The following FRAS1 variants were observed in gnomAD, a reference collection of about 807,000 sequenced individuals.
The protein encoded by FRAS1 is Fraser extracellular matrix complex subunit 1.
A neutral mutation model predicts 435.2 loss-of-function variants in FRAS1; 290 were observed. The observed-to-expected ratio is 0.67, with a 90% CI of 0.61 to 0.73. FRAS1 has a LOEUF of 0.73. Among genes scored for constraint, FRAS1 ranks in the 30% least tolerant of loss-of-function variants. FRAS1 has a pLI of 0.00. For missense variants in FRAS1, 4,860 were observed against 5,001.5 expected (o/e 0.97, Z 0.85); for synonymous variants, 1,800 against 1,851.0 (o/e 0.97, Z 0.71).
chr4:78,479,900 A>C (rs1719960332), intron 56 of FRAS1, among the ~76,000 whole-genome samples, 182 bp downstream of exon 56: 1 of 152,112 alleles, frequency 6.6e-6, no homozygotes, highest in African/African-American at 2.4e-5. Flanking sequence ...TATTATAGAG[A>C]GTTCCATCCA....
Position 78,278,663 on chromosome 4 carries a change from A to T in FRAS1, c.990A>T (p.Glu330Asp). The T allele has an allele frequency of 1.3e-6, 2 of 1,587,972 alleles. No homozygotes were observed. The highest frequency in any genetic ancestry group is 1.7e-6 in the Non-Finnish European group (2 of 1,156,396). ...CAKVECARDE[E>D]LIHLDGKCCP... is the part of the protein sequence containing the mutation. The stretch of plus-strand genomic sequence containing the variant: ...AACCCTTATTTCTACAGGATGAAGA[A>T]TTAATTCACTTAGATGGAAAGTGTT... Residue 330 changes from glutamate to aspartate, a missense_variant, in exon 10 of 74, where the codon GAA becomes GAT. By Grantham distance (45) the Glu-to-Asp change is conservative. Coordinates refer to ENST00000512123, the MANE Select transcript of FRAS1 (RefSeq NM_025074.7).
At chr4:78,143,283 A>T (rs1389818159) in intron 2 of FRAS1, among the ~76,000 whole-genome samples, 1 of 152,204 alleles carries the variant, frequency 6.6e-6, no homozygotes, top group East Asian at 1.9e-4. Context: ...CACTAAGAAG[A>T]TGTACTACTT....
At chr4:78,405,631 T>C (rs1733070059) in intron 30 of FRAS1, among the ~76,000 whole-genome samples, 1 of 152,226 alleles carries the variant, frequency 6.6e-6, no homozygotes, top group Non-Finnish European at 1.5e-5. Context: ...TCTAGGGTAA[T>C]CAAATATGCC....
At chr4:78,063,159 T>C (rs1248547593) in intron 1 of FRAS1, among the ~76,000 whole-genome samples, 1 of 152,212 alleles carries the variant, frequency 6.6e-6, no homozygotes, top group Non-Finnish European at 1.5e-5. Context: ...AATTTTGTTT[T>C]CCATATTATG....
intron 61 of FRAS1, among the ~76,000 whole-genome samples, chr4:78,506,755 C>CA (rs1280252297): frequency 1.3e-5 from 1 of 76,866 alleles, no homozygotes; most frequent in East Asian, 4.3e-4. Flanking sequence ...CCATGGGCTG[C>CA]ACCAATGTCC....
chr4:78,229,481 A>C (rs1366376737), intron 2 of FRAS1, among the ~76,000 whole-genome samples: 1 of 152,182 alleles, frequency 6.6e-6, no homozygotes, highest in Non-Finnish European at 1.5e-5. Flanking sequence ...TGTGGAAGTT[A>C]GATTAAGAAG....
At chr4:78,234,707 A>T (rs561460712) in intron 2 of FRAS1, among the ~76,000 whole-genome samples, 1 of 152,358 alleles carries the variant, frequency 6.6e-6, no homozygotes, top group South Asian at 2.1e-4. Context: ...CTGGGAATGT[A>T]ATCTCACCTC....
intron 28 of FRAS1, among the ~76,000 whole-genome samples, chr4:78,384,909 A>T (rs1320129715): frequency 1.2e-4 from 4 of 33,724 alleles, no homozygotes; most frequent in Admixed American, 3.4e-4. Flanking sequence ...CCCTGTCTCA[A>T]AAAAAAAAAA....
intron 6 of FRAS1, among the ~76,000 whole-genome samples, chr4:78,264,728 G>A (rs1352814764): frequency 1.3e-5 from 2 of 152,280 alleles, no homozygotes; most frequent in Admixed American, 6.5e-5. Context: ...GTCATGTGAA[G>A]CACTTAGAAC....
intron 2 of FRAS1, among the ~76,000 whole-genome samples, chr4:78,184,060 A>G (rs1722170160): frequency 6.6e-6 from 1 of 152,146 alleles, no homozygotes; most frequent in African/African-American, 2.4e-5. Context: ...CCTACTCAGA[A>G]TCTACGTCCC....
chr4:78,093,984 T>C (rs973468304), intron 2 of FRAS1, among the ~76,000 whole-genome samples: 1 of 152,002 alleles, frequency 6.6e-6, no homozygotes, highest in Non-Finnish European at 1.5e-5. Flanking sequence ...CCCTTCCCAC[T>C]TCCACCAAGT....
intron 55 of FRAS1, among the ~76,000 whole-genome samples, chr4:78,478,893 G>A (rs1179695180): frequency 1.3e-5 from 2 of 152,164 alleles, no homozygotes; most frequent in Non-Finnish European, 2.9e-5. Context: ...AATAAGTAAA[G>A]TCATTTGTAT....
intron 2 of FRAS1, among the ~76,000 whole-genome samples, chr4:78,140,710 CGTGTGTGTATAT>C (rs1720137529): frequency 2.8e-4 from 23 of 82,956 alleles, no homozygotes; most frequent in African/African-American, 1.1e-3. Context: ...TATGCATATA[CGTGTGTGTATAT>C]GTATATACGT....
intron 73 of FRAS1, among the ~76,000 whole-genome samples, chr4:78,539,970 A>C (rs767487119): frequency 6.6e-6 from 1 of 152,250 alleles, no homozygotes; most frequent in East Asian, 1.9e-4. Context: ...TTTCGAAACC[A>C]TGAAGCATTT....
intron 67 of FRAS1, among the ~76,000 whole-genome samples, chr4:78,519,815 G>A (rs78462474): frequency 5.9e-5 from 9 of 152,168 alleles, no homozygotes; most frequent in Non-Finnish European, 1.2e-4. Flanking sequence ...GTGAAAAATT[G>A]TGTGGTTCTT....
chr4:78,454,349 A>G (rs1330411050), intron 47 of FRAS1, among the ~76,000 whole-genome samples: 1 of 152,018 alleles, frequency 6.6e-6, no homozygotes, highest in Non-Finnish European at 1.5e-5. Flanking sequence ...AGGGTGATCA[A>G]ATGGAGGAAG....
intron 2 of FRAS1, among the ~76,000 whole-genome samples, chr4:78,115,666 G>T (rs1743112868): frequency 6.6e-6 from 1 of 152,104 alleles, no homozygotes; most frequent in South Asian, 2.1e-4. Flanking sequence ...CTGTGGGATA[G>T]GTGGTGATAT....
At position 78,511,279 on chromosome 4, in the gene FRAS1, G is replaced by A. The variant is rs780109762; in HGVS notation, c.9786G>A (p.Leu3262=). The change falls in exon 64 of 74, where the codon CTG becomes CTA. Residue 3262 remains leucine, a synonymous_variant. Transcript: ENST00000512123. ...TPFTSVNHMV[L]DSIYFSRRFH... is the part of the protein sequence containing the mutation. Reference sequence around the variant, plus strand: ...TGATTTTTTCTTCCTGTTAGGTCCTGGACAGCATTTACTTCAGCCGGAGGT... The same window carrying A: ...TGATTTTTTCTTCCTGTTAGGTCCTAGACAGCATTTACTTCAGCCGGAGGT... 6.3e-7 allele frequency: 1 copy of A among 1,596,774 alleles called. No homozygotes were observed. Among genetic ancestry groups the A allele is most frequent in the Admixed American group, 1.7e-5 (1 of 59,418 alleles).
intron 69 of FRAS1, among the ~76,000 whole-genome samples, chr4:78,524,228 C>T (rs1331694862): frequency 6.6e-6 from 1 of 152,314 alleles, no homozygotes; most frequent in Non-Finnish European, 1.5e-5. Context: ...ATCCCCAGAA[C>T]CACAGGTTTT....
Sources: gnomAD v4.1 joint callset for allele counts (sites outside exome capture counted in the v4.1 genomes callset) on GRCh38, gnomAD v4.1.1 for gene constraint, MANE v1.5 for transcripts, NCBI Gene and HGNC (gene_info 2026-07-23, HGNC 2026-07-21) for gene names.